Variants in ANKRD29 observed in about 807,000 individuals in gnomAD.
The protein encoded by ANKRD29 is ankyrin repeat domain-containing protein 29.
Under a neutral mutation model 38.0 loss-of-function variants are expected in ANKRD29, and 32 were observed. That is an observed-to-expected ratio of 0.84 (90% CI 0.64 to 1.13). ANKRD29 has a LOEUF of 1.13. Ranked by LOEUF, ANKRD29 falls within the 50% of genes most tolerant of loss-of-function variation. The pLI, the probability that ANKRD29 is intolerant of heterozygous loss-of-function variation, is 0.00. For missense variants in ANKRD29, 357 were observed against 377.9 expected, an observed-to-expected ratio of 0.94 and a Z score of 0.46; for synonymous variants, 135 against 152.4, an observed-to-expected ratio of 0.89 and a Z score of 0.84.
At chr18:23,638,411 C>T (rs2057275327) in intron 4 of ANKRD29, among the ~76,000 whole-genome samples, 1 of 152,074 alleles carries the variant, frequency 6.6e-6, no homozygotes, top group African/African-American at 2.4e-5. Context: ...GTCTGCCAAA[C>T]CACCCTCTTT....
chr18:23,637,060 T>C (rs1348438411), intron 4 of ANKRD29, among the ~76,000 whole-genome samples: 2 of 152,172 alleles, frequency 1.3e-5, no homozygotes, highest in African/African-American at 4.8e-5. Context: ...CTGAGTTCCA[T>C]GTTCCATGGA....
intron 8 of ANKRD29, among the ~76,000 whole-genome samples, chr18:23,617,352 C>T (rs893490560): frequency 6.6e-6 from 1 of 152,126 alleles, no homozygotes; most frequent in Non-Finnish European, 1.5e-5. Context: ...TTTTATTTCA[C>T]TTAAGGGAAC....
At chr18:23,634,291 T>TC (rs1046670209) in intron 4 of ANKRD29, 142 bp from the exon 5 acceptor site, 3 of 145,376 alleles carry the variant, frequency 2.1e-5, no homozygotes, top group African/African-American at 8.2e-5. Context: ...TTTTTTTTTT[T>TC]TTTTTTTTTT....
At chr18:23,631,822 G>C (rs552293568) in intron 5 of ANKRD29, among the ~76,000 whole-genome samples, 2 of 152,054 alleles carry the variant, frequency 1.3e-5, no homozygotes, top group South Asian at 4.2e-4. Context: ...CGGTGCTTTC[G>C]GCAGACGTGT....
chr18:23,615,607 T>C (rs2059700560), intron 8 of ANKRD29, among the ~76,000 whole-genome samples: 1 of 151,888 alleles, frequency 6.6e-6, no homozygotes, highest in African/African-American at 2.4e-5. Context: ...AGATGGAGTC[T>C]AGCTATGTTG....
At chr18:23,638,973 T>C in intron 3 of ANKRD29, 26 bp from the exon 4 acceptor site, 4 of 1,516,578 alleles carry the variant, frequency 2.6e-6, no homozygotes, top group Non-Finnish European at 3.6e-6. Context: ...AGGCTAGTTT[T>C]AAAAGACATT....
chr18:23,614,732 G>C (rs370033375), intron 8 of ANKRD29, among the ~76,000 whole-genome samples: 2 of 151,398 alleles, frequency 1.3e-5, no homozygotes, highest in African/African-American at 4.9e-5. Context: ...GGGCAGGGGA[G>C]AGAGGCCAAC....
intron 3 of ANKRD29, among the ~76,000 whole-genome samples, chr18:23,641,924 G>A (rs1372904702): frequency 6.6e-6 from 1 of 152,098 alleles, no homozygotes; most frequent in Non-Finnish European, 1.5e-5. Flanking sequence ...AGCTGCGGGA[G>A]GAGCTATCCA....
intron 6 of ANKRD29, among the ~76,000 whole-genome samples, chr18:23,627,197 A>C (rs796890702): frequency 9.8e-5 from 15 of 152,348 alleles, no homozygotes; most frequent in African/African-American, 3.6e-4. Flanking sequence ...TAGGTAATAA[A>C]AATTATTATG....
chr18:23,657,638 T>G (rs1334047521), intron 1 of ANKRD29, among the ~76,000 whole-genome samples: 1 of 152,218 alleles, frequency 6.6e-6, no homozygotes, highest in African/African-American at 2.4e-5. Flanking sequence ...TCTGTCTCTA[T>G]GGATTTGCCG....
intron 1 of ANKRD29, among the ~76,000 whole-genome samples, chr18:23,657,139 C>T (rs979980434): frequency 5.3e-5 from 8 of 152,232 alleles, no homozygotes; most frequent in Admixed American, 1.3e-4. Flanking sequence ...ACCTCCTTAT[C>T]GTTCACCACC....
chr18:23,634,017 G>T, intron 5 of ANKRD29, 34 bp downstream of exon 5: 1 of 1,602,122 alleles, frequency 6.2e-7, no homozygotes, highest in African/African-American at 1.3e-5. Context: ...TATGTGATGA[G>T]AAATGTCCTA....
chr18:23,657,023 G>C (rs1202915423), intron 1 of ANKRD29, among the ~76,000 whole-genome samples: 1 of 152,190 alleles, frequency 6.6e-6, no homozygotes, highest in Middle Eastern at 3.2e-3. Flanking sequence ...AGGCCCACCT[G>C]GCTTCCAGGC....
At chr18:23,615,954 A>AT (rs1568012747) in intron 8 of ANKRD29, among the ~76,000 whole-genome samples, 17 of 141,060 alleles carry the variant, frequency 1.2e-4, no homozygotes, top group African/African-American at 4.0e-4. Context: ...ATATATACAT[A>AT]CTATATGTAT....
chr18:23,645,163 T>A (rs1295069766), intron 3 of ANKRD29, among the ~76,000 whole-genome samples: 1 of 152,124 alleles, frequency 6.6e-6, no homozygotes, highest in Non-Finnish European at 1.5e-5. Flanking sequence ...CAGGTCTGAG[T>A]CAGTGTGAAC....
At chr18:23,637,352 A>G (rs1415976719) in intron 4 of ANKRD29, among the ~76,000 whole-genome samples, 2 of 152,244 alleles carry the variant, frequency 1.3e-5, no homozygotes, top group Non-Finnish European at 2.9e-5. Context: ...CAGAAAAGAC[A>G]AAACCTTATA....
intron 6 of ANKRD29, among the ~76,000 whole-genome samples, chr18:23,621,894 A>G (rs898546835): frequency 4.0e-5 from 6 of 151,442 alleles, no homozygotes; most frequent in Non-Finnish European, 8.8e-5. Context: ...TTGTTGCCTA[A>G]GTTGTTCTTG....
intron 3 of ANKRD29, among the ~76,000 whole-genome samples, chr18:23,641,533 C>G (rs1424994850): frequency 6.6e-6 from 1 of 152,244 alleles, no homozygotes; most frequent in Non-Finnish European, 1.5e-5. Context: ...TTGGCCCCCT[C>G]CGGACTTTGG....
chr18:23,616,584 ATATATATATAC>A (rs1454972312), intron 8 of ANKRD29, among the ~76,000 whole-genome samples: 3 of 142,990 alleles, frequency 2.1e-5, no homozygotes, highest in African/African-American at 5.2e-5. Flanking sequence ...TACAGTATAT[ATATATATATAC>A]TATATATACT....
Sources: gnomAD v4.1 joint callset for allele counts (sites outside exome capture counted in the v4.1 genomes callset) on GRCh38, gnomAD v4.1.1 for gene constraint, MANE v1.5 for transcripts, NCBI Gene and HGNC (gene_info 2026-07-23, HGNC 2026-07-21) for gene names.